The following RPTOR variants were observed in gnomAD, a reference collection of about 807,000 sequenced individuals.
RPTOR encodes the protein regulatory associated protein of MTOR complex 1.
RPTOR carries 21 observed loss-of-function variants against 169.9 expected under a neutral mutation model. The ratio of observed to expected loss-of-function variants is 0.12; its 90% confidence interval spans 0.09 to 0.18. The LOEUF (loss-of-function observed/expected upper bound fraction) is 0.18, where lower values mean the gene tolerates loss of function less well. Ranked by LOEUF, RPTOR falls within the 10% of genes least tolerant of loss-of-function variation. The pLI, the probability that RPTOR is intolerant of heterozygous loss-of-function variation, is 1.00. For missense variants in RPTOR, 1,133 were observed against 1,855.9 expected, an observed-to-expected ratio of 0.61 and a Z score of 7.16; for synonymous variants, 732 against 753.2, an observed-to-expected ratio of 0.97 and a Z score of 0.46.
chr17:80,926,375 G>C (rs1050960397), intron 24 of RPTOR, among the ~76,000 whole-genome samples: 1 of 152,200 alleles, frequency 6.6e-6, no homozygotes, highest in African/African-American at 2.4e-5. Context: ...CATGAACCTG[G>C]GTGGACAGTG....
At chr17:80,757,254 C>G (rs1336017620) in intron 6 of RPTOR, among the ~76,000 whole-genome samples, 3 of 152,174 alleles carry the variant, frequency 2.0e-5, no homozygotes, top group Non-Finnish European at 4.4e-5. Context: ...TGGAAGCCCT[C>G]CAACTGAGAG....
intron 24 of RPTOR, among the ~76,000 whole-genome samples, chr17:80,928,292 G>C (rs1299460349): frequency 6.6e-6 from 1 of 152,094 alleles, no homozygotes; most frequent in Non-Finnish European, 1.5e-5. Flanking sequence ...ATTCATAAAG[G>C]TATTCTTTTA....
intron 24 of RPTOR, among the ~76,000 whole-genome samples, chr17:80,928,754 T>C (rs1017798240): frequency 2.7e-4 from 41 of 152,230 alleles, no homozygotes; most frequent in African/African-American, 9.9e-4. Context: ...GTCTGCCGTG[T>C]GCTTAAGAAA....
intron 1 of RPTOR, among the ~76,000 whole-genome samples, chr17:80,551,429 CAA>C (rs1401846992): frequency 6.6e-6 from 1 of 151,988 alleles, no homozygotes; most frequent in Non-Finnish European, 1.5e-5. Flanking sequence ...GTCAGGGTCA[CAA>C]GACAATAGTG....
chr17:80,907,866 C>T (rs548063110), intron 20 of RPTOR, among the ~76,000 whole-genome samples: 1 of 152,348 alleles, frequency 6.6e-6, no homozygotes, highest in South Asian at 2.1e-4. Context: ...GCCTCTTCCA[C>T]CAGGCCTTCC....
chr17:80,930,473 G>C (rs111846351), intron 24 of RPTOR, among the ~76,000 whole-genome samples: 8,977 of 49,908 alleles, frequency 0.18, 1 homozygote, highest in African/African-American at 0.23. Flanking sequence ...CTCATCCCCA[G>C]CTCATCCCCA....
At chr17:80,858,399 G>A (rs1475608253) in intron 13 of RPTOR, among the ~76,000 whole-genome samples, 1 of 152,156 alleles carries the variant, frequency 6.6e-6, no homozygotes, top group African/African-American at 2.4e-5. Flanking sequence ...CCCCTTACAC[G>A]GGGCTGTCCA....
intron 20 of RPTOR, among the ~76,000 whole-genome samples, chr17:80,903,287 G>T (rs903657118): frequency 6.6e-6 from 1 of 152,202 alleles, no homozygotes; most frequent in Non-Finnish European, 1.5e-5. Flanking sequence ...GGGATTCTGC[G>T]GGAGAGCTGG....
chr17:80,907,543 G>A (rs1389034617), intron 20 of RPTOR, among the ~76,000 whole-genome samples: 1 of 152,248 alleles, frequency 6.6e-6, no homozygotes, highest in Non-Finnish European at 1.5e-5. Context: ...GTCCAGCGTG[G>A]CGTGGACAAC....
At chr17:80,616,106 C>A (rs746220902) in intron 1 of RPTOR, among the ~76,000 whole-genome samples, 1 of 152,052 alleles carries the variant, frequency 6.6e-6, no homozygotes, top group East Asian at 1.9e-4. Flanking sequence ...TTTGATGAAG[C>A]CTGTACCATG....
At chr17:80,682,001 T>G (rs1281720869) in intron 3 of RPTOR, among the ~76,000 whole-genome samples, 1 of 152,192 alleles carries the variant, frequency 6.6e-6, no homozygotes. Flanking sequence ...TTATCAGTTC[T>G]TTAAAATGAT....
intron 9 of RPTOR, among the ~76,000 whole-genome samples, chr17:80,832,460 C>CAGGG (rs2067516405): frequency 6.6e-6 from 1 of 152,332 alleles, no homozygotes. Context: ...CAGCCTCATC[C>CAGGG]AGGGAGGGAG....
At chr17:80,715,415 C>T (rs370384682) in intron 4 of RPTOR, among the ~76,000 whole-genome samples, 10 of 152,148 alleles carry the variant, frequency 6.6e-5, no homozygotes, top group African/African-American at 1.4e-4. Flanking sequence ...CTATATCAAT[C>T]GGCTTCTTTC....
intron 21 of RPTOR, among the ~76,000 whole-genome samples, chr17:80,911,110 C>T (rs1244914838): frequency 6.6e-6 from 1 of 152,202 alleles, no homozygotes; most frequent in Non-Finnish European, 1.5e-5. Flanking sequence ...GGATTACAGG[C>T]GTGAGCCACT....
chr17:80,858,523 T>G (rs1228061797), intron 13 of RPTOR, among the ~76,000 whole-genome samples: 1 of 152,256 alleles, frequency 6.6e-6, no homozygotes, highest in Non-Finnish European at 1.5e-5. Context: ...CAAGGTCAGC[T>G]GTCCCTGTCC....
At chr17:80,873,539 G>C (rs1179369149) in intron 13 of RPTOR, among the ~76,000 whole-genome samples, 1 of 152,204 alleles carries the variant, frequency 6.6e-6, no homozygotes, top group East Asian at 1.9e-4. Context: ...GGGAAGTGCA[G>C]TCCAAGTCCC....
Position 80,855,497 on chromosome 17 carries a change from T to C in RPTOR, c.1348T>C (p.Leu450=), listed in dbSNP as rs557463332. The change falls in exon 12 of 34, where the codon TTG becomes CTG. Residue 450 remains leucine (L), a synonymous_variant. Coordinates refer to ENST00000306801, the MANE Select transcript of RPTOR (RefSeq NM_020761.3). ...AAGCCAAGTGCACCGGCTGAGAGCA[T>C]TGGACTTGCTTGGAAGATTTTTGGA... The part of the protein sequence containing the change: ...LLSQVHRLRA[L]DLLGRFLDLG... 2.3e-5 allele frequency: 37 copies of C among 1,614,108 alleles called. No individual in the cohort carries two copies. The highest frequency in any genetic ancestry group is 2.0e-4 in the Admixed American group (12 of 60,032).
intron 4 of RPTOR, among the ~76,000 whole-genome samples, chr17:80,724,286 G>A (rs2066311585): frequency 6.6e-6 from 1 of 151,036 alleles, no homozygotes. Context: ...GAGAGGTGGG[G>A]GCCATGAGTG....
chr17:80,772,320 G>T (rs564012902), intron 6 of RPTOR, among the ~76,000 whole-genome samples: 3 of 152,250 alleles, frequency 2.0e-5, no homozygotes, highest in African/African-American at 7.2e-5. Flanking sequence ...AGAAGACCTC[G>T]ATGTTTTGGG....
Sources: allele counts gnomAD v4.1 joint callset (sites outside exome capture counted in the v4.1 genomes callset), GRCh38; gene constraint gnomAD v4.1.1; transcripts MANE v1.5; gene names NCBI Gene and HGNC (gene_info 2026-07-23, HGNC 2026-07-21).